The following SERINC2 variants were observed in gnomAD, a reference collection of about 807,000 sequenced individuals.
SERINC2 encodes the protein serine incorporator 2.
SERINC2 carries 56 observed loss-of-function variants against 54.2 expected under a neutral mutation model. The observed-to-expected ratio is 1.03, with a 90% CI of 0.83 to 1.29. The LOEUF is 1.29. Ranked by LOEUF, SERINC2 falls within the 50% of genes most tolerant of loss-of-function variation. The pLI is 0.00. For missense variants in SERINC2, 614 were observed against 607.4 expected, an observed-to-expected ratio of 1.01 and a Z score of -0.12; for synonymous variants, 272 against 253.1, an observed-to-expected ratio of 1.07 and a Z score of -0.71.
chr1:31,428,360 A>G (rs1441691704), intron 6 of SERINC2, among the ~76,000 whole-genome samples: 3 of 152,114 alleles, frequency 2.0e-5, no homozygotes, highest in Non-Finnish European at 4.4e-5. Flanking sequence ...TTAATCACAG[A>G]GTTCAGGTTC....
chr1:31,433,712 G>C (rs1295156622), intron 9 of SERINC2, among the ~76,000 whole-genome samples: 3 of 152,100 alleles, frequency 2.0e-5, no homozygotes, highest in African/African-American at 7.2e-5. Context: ...CCACCCCTAA[G>C]TTACAGGATC....
rs79912122 is a variant in SERINC2, at chr1:31,426,106, C to T, written c.610+193C>T. 7.8e-3 allele frequency: 4,768 copies of T among 612,040 alleles called. 268 individuals carry two copies. In the East Asian group the frequency reaches 0.12, roughly 16 times the overall value. The allele number at this position is 612,040 out of a possible 1,614,324, so 37.9% of individuals were successfully genotyped here. ...GATCCTGGGATGACTTCAGGGAATCCGAGGAGAGCTGACCTGGAGAGGCCT... is the reference window on the plus strand; with the variant it reads ...GATCCTGGGATGACTTCAGGGAATCTGAGGAGAGCTGACCTGGAGAGGCCT... On this transcript the variant is annotated intron_variant, in intron 5 of 9. Transcript: ENST00000373709.
rs1481434156 is a variant in SERINC2, at chr1:31,415,990, G to A, written c.39+2686G>A. ...GCAAGCCGCCGGCACATGATGACTT[G>A]GCTGTCTGCAAAGATTTCAGGAGGG... On this transcript the variant is annotated intron_variant, in intron 1 of 9. Transcript: ENST00000373709. The A allele has an allele frequency of 1.3e-5, 11 of 820,032 alleles. No individual in the cohort carries two copies. The African/African-American group carries it at 1.9e-4, about 14-fold the overall frequency. 50.8% of individuals were successfully genotyped at this position (820,032 alleles called of 1,614,324 possible).
At chr1:31,415,877 GGAACTGGGCTGAAGGT>G in intron 1 of SERINC2, 16 of 985,386 alleles carry the variant, frequency 1.6e-5, no homozygotes, top group Non-Finnish European at 1.8e-5. Context: ...TCTCAGCATT[GGAACTGGGCTGAAGGT>G]GAACTGGGCT....
chr1:31,421,185 G>C (rs1553132717), intron 1 of SERINC2, among the ~76,000 whole-genome samples: 2 of 152,200 alleles, frequency 1.3e-5, no homozygotes, highest in Non-Finnish European at 2.9e-5. Context: ...AGGGATCCAA[G>C]TTGCGTGCTT....
At position 31,426,721 on chromosome 1, in the gene SERINC2, C is replaced by CTACA; in HGVS notation, c.679_682dup (p.Thr228IlefsTer3). ...CGGCCGTGGCGCTGATGTTCATGTACTACACTGAGCCCAGCGGCTGCCACG... is the reference window on the plus strand; with the variant it reads ...CGGCCGTGGCGCTGATGTTCATGTACTACATACACTGAGCCCAGCGGCTGCCACG... On this transcript the variant is annotated frameshift_variant, in exon 6 of 10. Transcript: ENST00000373709. LOFTEE classifies it high-confidence loss of function. 3 of 1,614,120 alleles carry CTACA rather than the reference C, an allele frequency of 1.9e-6. No individual in the cohort carries two copies. The South Asian group carries it at 3.3e-5, about 18-fold the overall frequency.
intron 1 of SERINC2, chr1:31,415,990 G>T: frequency 1.2e-6 from 1 of 820,032 alleles, no homozygotes; most frequent in Non-Finnish European, 1.5e-6. Context: ...ATGATGACTT[G>T]GCTGTCTGCA....
chr1:31,432,038 A>ATAGGGTGGT (rs1641266239), intron 8 of SERINC2, among the ~76,000 whole-genome samples: 2 of 120,340 alleles, frequency 1.7e-5, no homozygotes, highest in Non-Finnish European at 1.7e-5. Flanking sequence ...GACAGGGTGG[A>ATAGGGTGGT]CAGGGTGGAC....
chr1:31,432,277 T>G (rs908137806), intron 8 of SERINC2, among the ~76,000 whole-genome samples: 1 of 150,344 alleles, frequency 6.7e-6, no homozygotes, highest in Non-Finnish European at 1.5e-5. Flanking sequence ...TTTGCTGGGG[T>G]GGCGGGGCTG....
chr1:31,434,195 G>T lies in SERINC2; in HGVS notation c.1364G>T (p.Ser455Ile). The T allele has an allele frequency of 6.2e-7, 1 of 1,612,644 alleles. No individual in the cohort carries two copies. The highest frequency in any genetic ancestry group is 8.5e-7 in the Non-Finnish European group (1 of 1,179,740). ...APLLLRNRDF[S>I] ...CTCCTCCTGCGCAACCGCGACTTCA[G>T]CTGAGGCAGCCTCACAGCCTGCCAT... is the stretch of plus-strand genomic sequence containing the variant. Residue 455 changes from serine (S) to isoleucine (I), a missense_variant, in exon 10 of 10, where the codon AGC (serine) becomes ATC (isoleucine). Coordinates refer to ENST00000373709, the MANE Select transcript of SERINC2 (RefSeq NM_178865.5).
chr1:31,409,889 T>C, upstream of SERINC2: 3 of 1,520,286 alleles, frequency 2.0e-6, no homozygotes, highest in African/African-American at 1.4e-5. Context: ...TTGGGGGCAC[T>C]GAGGCGGGGG....
At chr1:31,427,688 T>C (rs542986598) in intron 6 of SERINC2, among the ~76,000 whole-genome samples, 1 of 152,208 alleles carries the variant, frequency 6.6e-6, no homozygotes, top group South Asian at 2.1e-4. Context: ...CCTCACACCA[T>C]CCTCATCCTC....
At position 31,433,253 on chromosome 1, in the gene SERINC2, G is replaced by A. The variant is rs78108126; in HGVS notation, c.1232+68G>A. The A allele has an allele frequency of 9.1e-3, 12,403 of 1,358,848 alleles. 483 individuals carry two copies. In the East Asian group the frequency reaches 0.13, roughly 15 times the overall value. 84.2% of individuals were successfully genotyped at this position (1,358,848 alleles called of 1,614,324 possible). A position where few individuals can be genotyped will look rare whatever the true frequency, so the allele number is the denominator to read the frequency against. ...GTGCAGGTCCACACATCTCTCCTGCGGCCCTTCACTGGGTTTTCCTGATGT... is the reference window on the plus strand; with the variant it reads ...GTGCAGGTCCACACATCTCTCCTGCAGCCCTTCACTGGGTTTTCCTGATGT... On this transcript the variant is annotated intron_variant, in intron 9 of 9. Transcript: ENST00000373709.
intron 8 of SERINC2, among the ~76,000 whole-genome samples, chr1:31,430,998 A>T (rs1328778858): frequency 6.6e-6 from 1 of 152,004 alleles, no homozygotes; most frequent in African/African-American, 2.4e-5. Context: ...CATTTTCTCC[A>T]AGTCAGTTCT....
At chr1:31,418,399 C>T (rs929583236) in intron 1 of SERINC2, among the ~76,000 whole-genome samples, 19 of 151,926 alleles carry the variant, frequency 1.3e-4, no homozygotes, top group African/African-American at 2.7e-4. Context: ...AATTTTGAGA[C>T]GAACTCATGC....
In SERINC2 at chr1:31,413,780, T is replaced by G. The variant is rs1640705043; in HGVS notation, c.39+476T>G. The G allele has an allele frequency of 7.4e-7, 1 of 1,360,306 alleles. No individual in the cohort carries two copies. The highest frequency in any genetic ancestry group is 9.4e-7 in the Non-Finnish European group (1 of 1,062,454). The allele number at this position is 1,360,306 out of a possible 1,614,324, so 84.3% of individuals were successfully genotyped here. On this transcript the variant is annotated intron_variant, in intron 1 of 9. Transcript: ENST00000373709. The surrounding 1 kb of genome is among the most constrained non-coding windows in gnomAD (Gnocchi z 5.0). Reference sequence around the variant, plus strand: ...CCCTCTGGCCGCCTGCCAGTCCGCCTGTTCCTGTCGCTCGGGCTCCGCCTG... The same window carrying G: ...CCCTCTGGCCGCCTGCCAGTCCGCCGGTTCCTGTCGCTCGGGCTCCGCCTG...
intron 6 of SERINC2, among the ~76,000 whole-genome samples, chr1:31,428,477 G>T (rs1553133924): frequency 6.6e-6 from 1 of 152,184 alleles, no homozygotes; most frequent in African/African-American, 2.4e-5. Context: ...CATGAAAGAG[G>T]GTGTGGGCTG....
rs1557492327 is a variant in SERINC2, at chr1:31,423,552, GA to G, written c.40-138del. 88 of 868,492 alleles carry G rather than the reference GA, an allele frequency of 1.0e-4. No homozygotes were observed. In the East Asian group the frequency reaches 2.3e-3, roughly 22 times the overall value. 53.8% of individuals were successfully genotyped at this position (868,492 alleles called of 1,614,324 possible). A position where few individuals can be genotyped will look rare whatever the true frequency, so the allele number is the denominator to read the frequency against. On this transcript the variant is annotated intron_variant, in intron 1 of 9. Transcript: ENST00000373709. The stretch of plus-strand genomic sequence containing the variant: ...ATGACCCAGCCTCCCTCTCGGACCT[GA>G]AAGTTCAATGGGCTGGTGTCTGGGG...
intron 1 of SERINC2, among the ~76,000 whole-genome samples, chr1:31,415,663 T>G (rs1419328358): frequency 5.9e-5 from 9 of 152,364 alleles, no homozygotes; most frequent in African/African-American, 2.2e-4. Context: ...TGAAGGTGAC[T>G]TCTCCACAGC....
Sources: allele counts gnomAD v4.1 joint callset (sites outside exome capture counted in the v4.1 genomes callset), GRCh38; gene constraint gnomAD v4.1.1; non-coding constraint Gnocchi (gnomAD v3.1); transcripts MANE v1.5; gene names NCBI Gene and HGNC (gene_info 2026-07-23, HGNC 2026-07-21).